Variants in SPAG5 observed in about 807,000 individuals in gnomAD.
The protein encoded by SPAG5 is sperm associated antigen 5, also known as sperm-associated antigen 5.
Under a neutral mutation model 145.4 loss-of-function variants are expected in SPAG5, and 99 were observed. The ratio of observed to expected loss-of-function variants is 0.68; its 90% CI spans 0.58 to 0.80. The LOEUF (loss-of-function observed/expected upper bound fraction) is 0.80, where lower values mean the gene tolerates loss of function less well. Among genes scored for constraint, SPAG5 ranks in the 30% least tolerant of loss-of-function variants. The pLI, the probability that SPAG5 is intolerant of heterozygous loss-of-function variation, is 0.00. For synonymous variants in SPAG5, 477 were observed against 525.4 expected (o/e 0.91, Z 1.26); for missense variants, 1,192 against 1,416.0 (o/e 0.84, Z 2.54).
In SPAG5 at chr17:28,591,695, T is replaced by C. The variant is rs779494261; in HGVS notation, c.1437+3A>G. ...CCTCAAGCTTTGAGAGGAACCTTCT[T>C]ACCCCACTGTGAGATGTGTCAGTCT... On this transcript the variant is annotated splice_donor_region_variant and intron_variant, in intron 4 of 23. Coordinates refer to ENST00000321765, the MANE Select transcript of SPAG5 (RefSeq NM_006461.4). The C allele has an allele frequency of 2.5e-6, 4 of 1,603,054 alleles. No individual in the cohort carries two copies. Among genetic ancestry groups the C allele is most frequent in the Non-Finnish European group, 3.4e-6 (4 of 1,172,948 alleles).
chr17:28,579,983 C>T lies in SPAG5; in HGVS notation c.2797+26G>A, dbSNP rs202221187. 2.5e-6 allele frequency: 4 copies of T among 1,589,498 alleles called. No individual in the cohort carries two copies. The Admixed American group carries it at 5.0e-5, about 20-fold the overall frequency. On this transcript the variant is annotated intron_variant, in intron 16 of 23. Transcript: ENST00000321765. ...ATCAGGAGCAGCGTCACAACTTTCC[C>T]ACCCCCAAATCCCAGGGCCTTTAAC...
At chr17:28,579,050 C>A in intron 19 of SPAG5, 91 bp downstream of exon 19, 1 of 1,124,274 alleles carries the variant, frequency 8.9e-7, no homozygotes. Context: ...AAAATCCCCA[C>A]CACCCAGATT....
rs759289433 is a variant in SPAG5, at chr17:28,579,755, G to A, written c.2880C>T (p.Pro960=). ...TRVASMVSLQ[P]AETPGMEESL... ...ATCCCTGGAGCCCCTCCTAACCTGCGGGCTGAAGGGAAACCATTGATGCTA... is the reference window on the plus strand; with the variant it reads ...ATCCCTGGAGCCCCTCCTAACCTGCAGGCTGAAGGGAAACCATTGATGCTA... Residue 960 remains proline, a synonymous_variant, in exon 17 of 24, where the codon CCC becomes CCT. Transcript: ENST00000321765. 5.5e-5 allele frequency: 89 copies of A among 1,613,768 alleles called. No homozygotes were observed. The South Asian group carries it at 6.3e-4, about 11-fold the overall frequency.
rs532331575 is a variant in SPAG5 at position 28,578,100 on chromosome 17, A to C, written c.3430-10T>G. ...CCTCTAGGATATTTCTCTAGAAAGC[A>C]AACAGATTTTATAAGTCCTATGCAT... On this transcript the variant is annotated splice_polypyrimidine_tract_variant and intron_variant, in intron 22 of 23. Transcript: ENST00000321765. 6.2e-7 allele frequency: 1 copy of C among 1,613,932 alleles called. No homozygotes were observed. The highest frequency in any genetic ancestry group is 1.1e-5 in the South Asian group (1 of 91,076).
At chr17:28,587,812 T>C (rs1324373370) in intron 4 of SPAG5, among the ~76,000 whole-genome samples, 2 of 152,212 alleles carry the variant, frequency 1.3e-5, no homozygotes, top group African/African-American at 4.8e-5. Flanking sequence ...TTCTTTGCTA[T>C]TGAGTCACAA....
rs1265494706 is a variant in SPAG5 at position 28,598,442 on chromosome 17, C to T, written c.177+68G>A. ...CGTTATTAATTATTGTAGCCCTGGC[C>T]CTCTGTTCCCCTGAGCTCTCACCCT... On this transcript the variant is annotated intron_variant, in intron 2 of 23. Transcript: ENST00000321765. The T allele has an allele frequency of 3.9e-6, 6 of 1,543,754 alleles. No individual in the cohort carries two copies. The East Asian group carries it at 1.4e-4, about 36-fold the overall frequency.
Position 28,583,631 on chromosome 17 carries a change from G to A in SPAG5, c.2565C>T (p.Thr855=), listed in dbSNP as rs1327985319. The A allele has an allele frequency of 6.2e-7, 1 of 1,607,182 alleles. No individual in the cohort carries two copies. The highest frequency in any genetic ancestry group is 8.5e-7 in the Non-Finnish European group (1 of 1,178,130). ...GATCTTGCTCCTGGTTATCTGCTAT[G>A]GTGCTGGCCAGTTTAGCCCTGAAAT... ...VENLTAKLAS[T]IADNQEQDLE... is the part of the protein sequence containing the mutation. The change falls in exon 15 of 24, where the codon ACC becomes ACT. Residue 855 remains threonine (T), a synonymous_variant. Coordinates refer to ENST00000321765, the MANE Select transcript of SPAG5 (RefSeq NM_006461.4).
chr17:28,585,437 G>T, intron 8 of SPAG5, 26 bp from the exon 9 acceptor site: 2 of 1,613,972 alleles, frequency 1.2e-6, no homozygotes, highest in South Asian at 2.2e-5. Flanking sequence ...TGCCTAGGCG[G>T]GAACCCCTTC....
In SPAG5 at chr17:28,592,014, G is replaced by GT; in HGVS notation, c.1229dup (p.His410GlnfsTer5). On this transcript the variant is annotated frameshift_variant, in exon 3 of 24. Coordinates refer to ENST00000321765, the MANE Select transcript of SPAG5 (RefSeq NM_006461.4). LOFTEE classifies it high-confidence loss of function. The stretch of plus-strand genomic sequence containing the variant: ...GGAGCTGCTCTGTCTCAGAAGTACT[G>GT]TGCTTGGTGCCAACCAGGCCTGTCT... 6.2e-7 allele frequency: 1 copy of GT among 1,614,190 alleles called. No individual in the cohort carries two copies. Among genetic ancestry groups the GT allele is most frequent in the Non-Finnish European group, 8.5e-7 (1 of 1,180,038 alleles).
chr17:28,586,212 C>G (rs2070584712), intron 5 of SPAG5, 30 bp from the exon 6 acceptor site: 1 of 1,567,510 alleles, frequency 6.4e-7, no homozygotes, highest in Non-Finnish European at 8.8e-7. Context: ...TAGGTGAGAT[C>G]AAATAAAGTC....
At chr17:28,588,699 G>A (rs1345129063) in intron 4 of SPAG5, among the ~76,000 whole-genome samples, 1 of 152,012 alleles carries the variant, frequency 6.6e-6, no homozygotes, top group East Asian at 1.9e-4. Context: ...TGTTGTTGTT[G>A]TTTGAGACAG....
rs2070691026 is a variant in SPAG5 at position 28,599,025 on chromosome 17, T to G, written c.-79A>C. On this transcript the variant is annotated 5_prime_UTR_variant, in exon 1 of 24. Coordinates refer to ENST00000321765, the MANE Select transcript of SPAG5 (RefSeq NM_006461.4). ...TTCACCCGCCGTCTGTGTTTGAACCTGCTCTGCGCTTCCTGGTTGGCTGCT... is the reference window on the plus strand; with the variant it reads ...TTCACCCGCCGTCTGTGTTTGAACCGGCTCTGCGCTTCCTGGTTGGCTGCT... 1.4e-6 allele frequency: 2 copies of G among 1,447,794 alleles called. No homozygotes were observed. The highest frequency in any genetic ancestry group is 1.9e-6 in the Non-Finnish European group (2 of 1,031,152). The allele number at this position is 1,447,794 out of a possible 1,614,324, so 89.7% of individuals were successfully genotyped here. A position where few individuals can be genotyped will look rare whatever the true frequency, so the allele number is the denominator to read the frequency against.
intron 15 of SPAG5, among the ~76,000 whole-genome samples, chr17:28,582,064 C>T (rs888284535): frequency 1.3e-5 from 2 of 152,132 alleles, no homozygotes; most frequent in African/African-American, 2.4e-5. Flanking sequence ...CTATTGAATC[C>T]ATTCACTCCA....
At position 28,579,415 on chromosome 17, in the gene SPAG5, G is replaced by C. The variant is rs769279437; in HGVS notation, c.2955C>G (p.Ser985=). The change falls in exon 18 of 24, where the codon TCC becomes TCG. Residue 985 remains serine (S), a synonymous_variant. Transcript: ENST00000321765. ...IMTTELQSLC[S]LLQESKEEAI... ...CTTCTTCTTTAGACTCTTGTAGCAG[G>C]GAACAAAGACTCTGAAGCTCAGTAG... 1 of 1,614,076 alleles carries C rather than the reference G, an allele frequency of 6.2e-7. No homozygotes were observed. Among genetic ancestry groups the C allele is most frequent in the Non-Finnish European group, 8.5e-7 (1 of 1,179,998 alleles).
rs775607389 is a variant in SPAG5 at position 28,583,585 on chromosome 17, A to G, written c.2611T>C (p.Ser871Pro). ...TCAGTCAGCAGCCCTAGCTTTTGAG[A>G]GTACTGCCGTGTTTTCTCCAGATCT... Reference protein sequence around the residue: ...EQDLEKTRQYSQKLGLLTEQL... With the variant: ...EQDLEKTRQYPQKLGLLTEQL... Residue 871 changes from serine (S) to proline (P), a missense_variant, in exon 15 of 24, where the codon TCT (serine) becomes CCT (proline). Ser to Pro is a moderately conservative substitution (Grantham distance 74). Around this residue, in one of 5 missense-constraint regions of SPAG5, gnomAD observed 709 missense variants for 840.7 expected, o/e 0.84. Coordinates refer to ENST00000321765, the MANE Select transcript of SPAG5 (RefSeq NM_006461.4). 2.2e-5 allele frequency: 36 copies of G among 1,613,858 alleles called. No homozygotes were observed. The highest frequency in any genetic ancestry group is 3.0e-5 in the Non-Finnish European group (35 of 1,179,928).
Position 28,593,204 on chromosome 17 carries a change from G to A in SPAG5, c.178-138C>T, listed in dbSNP as rs2070636695. On this transcript the variant is annotated intron_variant, in intron 2 of 23. Transcript: ENST00000321765. The stretch of plus-strand genomic sequence containing the variant: ...TTAGGTAAGAACTTGGCTAATCTTT[G>A]TTGCTCATATAGAGACCCAATAGTA... 3.4e-6 allele frequency: 4 copies of A among 1,160,402 alleles called. No individual in the cohort carries two copies. In the South Asian group the frequency reaches 4.7e-5, roughly 14 times the overall value. 71.9% of individuals were successfully genotyped at this position (1,160,402 alleles called of 1,614,324 possible). A position where few individuals can be genotyped will look rare whatever the true frequency, so the allele number is the denominator to read the frequency against.
At chr17:28,591,671 C>T in intron 4 of SPAG5, 27 bp downstream of exon 4, 1 of 1,578,060 alleles carries the variant, frequency 6.3e-7, no homozygotes, top group Non-Finnish European at 8.6e-7. Flanking sequence ...ACTGGGATCC[C>T]TCAAGCTTTG....
rs752296630 is a variant in SPAG5, at chr17:28,591,992, G to A, written c.1252C>T (p.Leu418Phe). ...CATAGGGGCGCTTACCCACACAGGA[G>A]CTGCTCTGTCTCAGAAGTACTGTGC... ...TKHSTSETEQ[L>F]LCGRPPDLTA... Residue 418 changes from leucine (L) to phenylalanine (F), a missense_variant, in exon 3 of 24, where the codon CTC (leucine) becomes TTC (phenylalanine). Physicochemically the swap from Leu to Phe is conservative, Grantham distance 22. Transcript: ENST00000321765. The A allele has an allele frequency of 1.2e-6, 2 of 1,613,990 alleles. No individual in the cohort carries two copies. The highest frequency in any genetic ancestry group is 8.5e-7 in the Non-Finnish European group (1 of 1,179,884).
chr17:28,593,251 C>T (rs2070637089), intron 2 of SPAG5, among the ~76,000 whole-genome samples, 185 bp from the exon 3 acceptor site: 1 of 152,050 alleles, frequency 6.6e-6, no homozygotes, highest in South Asian at 2.1e-4. Context: ...GCTGCTAAGC[C>T]ATTTTGGGTC....
Sources: gnomAD v4.1 joint callset for allele counts (sites outside exome capture counted in the v4.1 genomes callset) on GRCh38, gnomAD v4.1.1 for gene constraint, gnomAD v4.1.1 regional missense constraint, MANE v1.5 for transcripts, NCBI Gene and HGNC (gene_info 2026-07-23, HGNC 2026-07-21) for gene names.